The following ARRDC5 variants were observed in gnomAD, a reference collection of about 807,000 sequenced individuals.
ARRDC5 encodes the protein arrestin domain-containing protein 5.
In ARRDC5, 12 loss-of-function variants were observed where a neutral mutation model predicts 13.3. The ratio of observed to expected loss-of-function variants is 0.90; its 90% confidence interval spans 0.58 to 1.46. The LOEUF (loss-of-function observed/expected upper bound fraction) is 1.46. ARRDC5 is among the 40% of genes most tolerant of loss of function. The pLI, the probability that ARRDC5 is intolerant of heterozygous loss-of-function variation, is 0.00. For synonymous variants in ARRDC5, 181 were observed against 173.4 expected, an observed-to-expected ratio of 1.04 and a Z score of -0.34; for missense variants, 406 against 418.7, an observed-to-expected ratio of 0.97 and a Z score of 0.26.
chr19:4,909,500 C>CA, the ARRDC5 span: 2 of 656,446 alleles, frequency 3.0e-6, no homozygotes, highest in East Asian at 6.4e-5. Flanking sequence ...GGAAAAAAAT[C>CA]AGAGCAGCTG....
At chr19:4,902,065 T>A (rs189497696) in intron 1 of ARRDC5, among the ~76,000 whole-genome samples, 42 of 152,204 alleles carry the variant, frequency 2.8e-4, no homozygotes, top group African/African-American at 9.6e-4. Context: ...TTTTTGGTAT[T>A]TTTTGGTAGA....
chr19:4,902,887 C>T lies in ARRDC5; in HGVS notation c.-62G>A, dbSNP rs1041050020. ...CCCCATGTCCCTGAAATTCCCGGTT[C>T]GTTGGCCCTAGTGAGGTAATCCATC... On this transcript the variant is annotated 5_prime_UTR_variant, in exon 1 of 3. Transcript: ENST00000650722. 62 of 1,610,412 alleles carry T rather than the reference C, an allele frequency of 3.8e-5. No homozygotes were observed. Among genetic ancestry groups the T allele is most frequent in the Middle Eastern group, 1.8e-4 (1 of 5,502 alleles).
upstream of ARRDC5, among the ~76,000 whole-genome samples, chr19:4,907,202 T>C (rs1446535051): frequency 6.6e-6 from 1 of 152,158 alleles, no homozygotes; most frequent in Admixed American, 6.6e-5. Context: ...CTCCGTCTCC[T>C]GGGTTCAAGT....
upstream of ARRDC5, among the ~76,000 whole-genome samples, chr19:4,907,449 A>T (rs1359541286): frequency 6.6e-6 from 1 of 151,696 alleles, no homozygotes; most frequent in Non-Finnish European, 1.5e-5. Context: ...TTGTATTTTT[A>T]GTAGAGATGG....
At chr19:4,893,726 CAAAAAAA>C (rs61307077) in intron 2 of ARRDC5, among the ~76,000 whole-genome samples, 3 of 56,928 alleles carry the variant, frequency 5.3e-5, no homozygotes, top group African/African-American at 1.6e-4. Flanking sequence ...ACCCTGTCTC[CAAAAAAA>C]AAAAAAAAAA....
At chr19:4,903,998 G>C (rs778324223), upstream of ARRDC5, among the ~76,000 whole-genome samples, 1 of 150,712 alleles carries the variant, frequency 6.6e-6, no homozygotes, top group Non-Finnish European at 1.5e-5. Context: ...TTTTTTTGAG[G>C]TGGAATCTCA....
At chr19:4,896,633 G>A in intron 2 of ARRDC5, 38 bp downstream of exon 2, 1 of 1,494,810 alleles carries the variant, frequency 6.7e-7, no homozygotes. Context: ...CTTGGAGCTT[G>A]GAGATTGTTC....
At chr19:4,892,531 C>CA (rs1289655059) in intron 2 of ARRDC5, among the ~76,000 whole-genome samples, 2 of 142,624 alleles carry the variant, frequency 1.4e-5, no homozygotes, top group African/African-American at 2.6e-5. Flanking sequence ...CACACCCCAG[C>CA]TTTTTTTTTT....
In ARRDC5 at chr19:4,890,752, C is replaced by T. The variant is rs778704102; in HGVS notation, c.*294G>A. 40 of 364,004 alleles carry T rather than the reference C, an allele frequency of 1.1e-4. No individual in the cohort carries two copies. Among genetic ancestry groups the T allele is most frequent in the Non-Finnish European group, 1.9e-4 (38 of 198,362 alleles). 22.5% of individuals were successfully genotyped at this position (364,004 alleles called of 1,614,324 possible). A position where few individuals can be genotyped will look rare whatever the true frequency, so the allele number is the denominator to read the frequency against. ...AGGGGAGAATTCTCCCCAAGTAGGACCCCTGGTCTTGGCACTGTGAGACCC... is the reference window on the plus strand; with the variant it reads ...AGGGGAGAATTCTCCCCAAGTAGGATCCCTGGTCTTGGCACTGTGAGACCC... On this transcript the variant is annotated 3_prime_UTR_variant, in exon 3 of 3. Coordinates refer to ENST00000650722, the MANE Select transcript of ARRDC5 (RefSeq NM_001080523.3).
At chr19:4,892,183 G>A (rs2031537365) in intron 2 of ARRDC5, among the ~76,000 whole-genome samples, 1 of 151,752 alleles carries the variant, frequency 6.6e-6, no homozygotes, top group Non-Finnish European at 1.5e-5. Context: ...CGCCTCCCGG[G>A]TTCAAGCGAT....
the ARRDC5 span, chr19:4,911,146 C>G: frequency 1.8e-6 from 2 of 1,097,024 alleles, no homozygotes; most frequent in Non-Finnish European, 2.5e-6. Flanking sequence ...ACAACCTCGT[C>G]CGGTCCCACT....
intron 2 of ARRDC5, among the ~76,000 whole-genome samples, chr19:4,893,399 A>T (rs2031584486): frequency 6.7e-6 from 1 of 149,318 alleles, no homozygotes; most frequent in African/African-American, 2.5e-5. Flanking sequence ...CCAGCTACTC[A>T]GGAGGCTGAG....
the ARRDC5 span, chr19:4,911,164 T>G: frequency 1.1e-6 from 1 of 902,376 alleles, no homozygotes; most frequent in Non-Finnish European, 1.6e-6. Flanking sequence ...ACTTCATCTC[T>G]CCCGGAAGGA....
At chr19:4,911,582 G>C in the ARRDC5 span, among the ~76,000 whole-genome samples, 1 of 152,180 alleles carries the variant, frequency 6.6e-6, no homozygotes, top group African/African-American at 2.4e-5. Flanking sequence ...CTGTGCTGCG[G>C]CTGCTGCTGA....
At chr19:4,910,763 G>A in the ARRDC5 span, 1 of 1,316,442 alleles carries the variant, frequency 7.6e-7, no homozygotes, top group African/African-American at 1.5e-5. Flanking sequence ...GGGCATCCTG[G>A]GAGTTTCCTG....
the ARRDC5 span, among the ~76,000 whole-genome samples, chr19:4,912,630 C>T: frequency 1.1e-4 from 17 of 152,278 alleles, no homozygotes; most frequent in East Asian, 2.5e-3. Flanking sequence ...TCTCTCTGCC[C>T]GCCAATCCAT....
At chr19:4,915,581 C>T in the ARRDC5 span, among the ~76,000 whole-genome samples, 2 of 151,976 alleles carry the variant, frequency 1.3e-5, no homozygotes, top group Non-Finnish European at 2.9e-5. Context: ...GACGTGGTGG[C>T]GCATGTCTGT....
intron 2 of ARRDC5, among the ~76,000 whole-genome samples, chr19:4,894,755 A>G (rs1424297431): frequency 6.6e-6 from 1 of 151,012 alleles, no homozygotes; most frequent in Admixed American, 6.6e-5. Context: ...AGGAAGAGGA[A>G]GAAGAAGAAG....
upstream of ARRDC5, chr19:4,903,703 A>T (rs2031997496): frequency 6.6e-6 from 1 of 151,608 alleles, no homozygotes; most frequent in Non-Finnish European, 1.5e-5. Flanking sequence ...GGGTTTCACC[A>T]TGTTGGCCAG....
Sources: allele counts gnomAD v4.1 joint callset (sites outside exome capture counted in the v4.1 genomes callset), GRCh38; gene constraint gnomAD v4.1.1; transcripts MANE v1.5; gene names NCBI Gene and HGNC (gene_info 2026-07-23, HGNC 2026-07-21).